CELF2: variants seen among roughly 807,000 people sequenced by gnomAD.
The protein encoded by CELF2 is CUGBP Elav-like family member 2, also known as CUG triplet repeat RNA-binding protein 2.
Under a neutral mutation model 62.6 loss-of-function variants are expected in CELF2, and 8 were observed. The observed-to-expected ratio is 0.13, with a 90% CI of 0.07 to 0.23. CELF2 has a LOEUF of 0.23. Ranked by LOEUF, CELF2 falls within the 10% of genes least tolerant of loss-of-function variation. CELF2 has a pLI of 1.00. For missense variants in CELF2, 333 were observed against 671.0 expected (o/e 0.50, Z 5.56); for synonymous variants, 258 against 250.0 (o/e 1.03, Z -0.30).
chr10:11,211,823 T>A lies in CELF2; in HGVS notation c.272-5602T>A, dbSNP rs1021272078. 0.01 allele frequency among the ~76,000 whole-genome samples: 1,521 copies of A among 145,396 alleles called. 8 individuals carry two copies. Among genetic ancestry groups the A allele is most frequent in the Admixed American group, 0.013 (190 of 14,814 alleles). Reference sequence around the variant, plus strand: ...GAGAGAGAGAGAGAGAGTGTGTGTGTGTGTGTGTGTGTGTGTGTGTGTGTG... The same window carrying A: ...GAGAGAGAGAGAGAGAGTGTGTGTGAGTGTGTGTGTGTGTGTGTGTGTGTG... On this transcript the variant is annotated intron_variant, in intron 2 of 12. Transcript: ENST00000633077. This position sits in a 1 kb window ranked among gnomAD's most constrained non-coding sequence, Gnocchi z 4.8.
the CELF2 span, among the ~76,000 whole-genome samples, chr10:10,667,450 T>A: frequency 6.6e-6 from 1 of 152,206 alleles, no homozygotes; most frequent in Admixed American, 6.5e-5. Flanking sequence ...GAAAAGGAGA[T>A]GTTTTTTAGC....
chr10:10,707,267 A>G, the CELF2 span, among the ~76,000 whole-genome samples: 382 of 152,318 alleles, frequency 2.5e-3, 4 homozygotes, highest in African/African-American at 8.8e-3. Flanking sequence ...GAAATTCTCC[A>G]GTTGGGACTA....
chr10:11,099,109 C>T (rs1267340585), intron 1 of CELF2, among the ~76,000 whole-genome samples: 1 of 152,180 alleles, frequency 6.6e-6, no homozygotes, highest in Non-Finnish European at 1.5e-5. Flanking sequence ...CAGCAAAATA[C>T]GTGAATCAGT....
chr10:10,894,540 C>T (rs952611125), intron 1 of CELF2, among the ~76,000 whole-genome samples: 5 of 152,172 alleles, frequency 3.3e-5, no homozygotes, highest in African/African-American at 7.2e-5. Context: ...AGCACACAGA[C>T]GTCCCAGGCC....
At chr10:10,722,747 G>A in the CELF2 span, among the ~76,000 whole-genome samples, 2 of 152,154 alleles carry the variant, frequency 1.3e-5, no homozygotes, top group Non-Finnish European at 2.9e-5. Context: ...CAGGGGTGAT[G>A]GGAAAAATTA....
the CELF2 span, among the ~76,000 whole-genome samples, chr10:10,577,513 C>T: frequency 6.6e-6 from 1 of 150,840 alleles, no homozygotes; most frequent in Non-Finnish European, 1.5e-5. Flanking sequence ...TCCCCCCTCA[C>T]CCCACCCCAC....
intron 1 of CELF2, among the ~76,000 whole-genome samples, chr10:11,025,380 A>G (rs1015022736): frequency 6.6e-6 from 1 of 152,020 alleles, no homozygotes; most frequent in African/African-American, 2.4e-5. Context: ...AGGTAATTGA[A>G]TTATAGGGAC....
At chr10:10,965,743 A>C (rs1000328410) in intron 2 of CELF2, among the ~76,000 whole-genome samples, 1 of 152,236 alleles carries the variant, frequency 6.6e-6, no homozygotes, top group African/African-American at 2.4e-5. Context: ...ACAAGTTAAA[A>C]GACCTAAAAG....
chr10:10,511,137 C>T, the CELF2 span, among the ~76,000 whole-genome samples: 4 of 152,162 alleles, frequency 2.6e-5, no homozygotes, highest in African/African-American at 9.7e-5. Context: ...AGGCTGGGCA[C>T]GGTGGCTCAC....
At chr10:11,184,635 C>G (rs1340775610) in intron 2 of CELF2, among the ~76,000 whole-genome samples, 1 of 152,116 alleles carries the variant, frequency 6.6e-6, no homozygotes. Flanking sequence ...AGATTTATCC[C>G]TAGGTGTTTT....
At chr10:10,865,796 T>G (rs145503568) in intron 1 of CELF2, among the ~76,000 whole-genome samples, 97 of 152,174 alleles carry the variant, frequency 6.4e-4, no homozygotes, top group African/African-American at 2.1e-3. Flanking sequence ...ATGCAGGCAC[T>G]ATGTGAAAAC....
At chr10:11,262,794 A>T (rs2081053083) in intron 5 of CELF2, among the ~76,000 whole-genome samples, 1 of 152,162 alleles carries the variant, frequency 6.6e-6, no homozygotes, top group South Asian at 2.1e-4. Context: ...CTTATAAACA[A>T]GTTTTCCATA....
At chr10:11,012,977 T>G (rs949423121), upstream of CELF2, among the ~76,000 whole-genome samples, 1 of 152,130 alleles carries the variant, frequency 6.6e-6, no homozygotes, top group Non-Finnish European at 1.5e-5. The surrounding 1 kb of genome is among the most constrained non-coding windows in gnomAD (Gnocchi z 5.5). Flanking sequence ...CTTCCCAGTT[T>G]TCACATCCTA....
Position 11,011,429 on chromosome 10 carries a change from G to C in CELF2, c.53+5989G>C, listed in dbSNP as rs2056444516. The stretch of plus-strand genomic sequence containing the variant: ...GAGGTGGGTGAGGGGGAGAGGGAAG[G>C]TGTCATTAGGACACCCTGAATTCAT... On this transcript the variant is annotated intron_variant, in intron 1 of 12. Transcript: ENST00000416382. This position sits in a 1 kb window ranked among gnomAD's most constrained non-coding sequence, Gnocchi z 4.6. Among the ~76,000 whole-genome samples the C allele has an allele frequency of 6.7e-6, 1 of 150,056 alleles. No homozygotes were observed. The highest frequency in any genetic ancestry group is 2.5e-5 in the African/African-American group (1 of 40,546).
chr10:10,869,974 G>A (rs923525120), intron 1 of CELF2, among the ~76,000 whole-genome samples: 1 of 152,040 alleles, frequency 6.6e-6, no homozygotes, highest in Non-Finnish European at 1.5e-5. Flanking sequence ...AATTTTAAAT[G>A]GTTTATTATA....
chr10:10,626,022 C>T, the CELF2 span, among the ~76,000 whole-genome samples: 2 of 151,942 alleles, frequency 1.3e-5, no homozygotes, highest in Non-Finnish European at 2.9e-5. Context: ...CACTTGCGGA[C>T]TTGCAATGTG....
intron 1 of CELF2, among the ~76,000 whole-genome samples, chr10:10,882,313 C>T (rs942383589): frequency 2.0e-5 from 3 of 152,216 alleles, no homozygotes; most frequent in African/African-American, 4.8e-5. Context: ...AGTGAATCCC[C>T]GGAGTGGCCT....
the CELF2 span, among the ~76,000 whole-genome samples, chr10:10,775,425 T>C: frequency 6.6e-6 from 1 of 151,968 alleles, no homozygotes; most frequent in African/African-American, 2.4e-5. Flanking sequence ...AGATCAGGAA[T>C]TTGAGACCAG....
chr10:11,083,642 T>G (rs1462873383), intron 1 of CELF2, among the ~76,000 whole-genome samples: 1 of 152,170 alleles, frequency 6.6e-6, no homozygotes, highest in Non-Finnish European at 1.5e-5. Flanking sequence ...TTTCCTGCAA[T>G]GGGTGATGCA....
Sources: allele counts gnomAD v4.1 joint callset (sites outside exome capture counted in the v4.1 genomes callset), GRCh38; gene constraint gnomAD v4.1.1; non-coding constraint Gnocchi (gnomAD v3.1); transcripts MANE v1.5; gene names NCBI Gene and HGNC (gene_info 2026-07-23, HGNC 2026-07-21).